FRMPD4: variants seen among roughly 807,000 people sequenced by gnomAD.
FRMPD4 encodes the protein FERM and PDZ domain containing 4.
FRMPD4 carries 22 observed loss-of-function variants against 94.1 expected under a neutral mutation model. That is an observed-to-expected ratio of 0.23 (90% confidence interval 0.17 to 0.33). The LOEUF is 0.33. Ranked by LOEUF, FRMPD4 falls within the 10% of genes least tolerant of loss-of-function variation. The pLI is 1.00. For missense variants in FRMPD4, 1,111 were observed against 1,339.9 expected, an observed-to-expected ratio of 0.83 and a Z score of 2.67; for synonymous variants, 631 against 548.6, an observed-to-expected ratio of 1.15 and a Z score of -2.10.
chrX:12,248,734 A>T lies in FRMPD4; in HGVS notation c.41+109722A>T, dbSNP rs776293961. Among the ~76,000 whole-genome samples, 4 of 112,346 alleles carry T rather than the reference A, an allele frequency of 3.6e-5. No individual in the cohort carries two copies. The South Asian group carries it at 1.5e-3, about 41-fold the overall frequency. On this transcript the variant is annotated intron_variant, in intron 1 of 16. Coordinates refer to ENST00000675598, the MANE Select transcript of FRMPD4 (RefSeq NM_001368397.1). ...TTCTTTTAGCCTTTTTTTCCTAGTC[A>T]TATACATATATTAAGAAAACAAGGC...
At chrX:12,185,586 T>G (rs892244003) in intron 1 of FRMPD4, among the ~76,000 whole-genome samples, 1 of 110,527 alleles carries the variant, frequency 9.0e-6, no homozygotes, top group Non-Finnish European at 1.9e-5. Context: ...ATCTTTCTCT[T>G]TCCATTGCCT....
At chrX:12,160,068 G>GGT (rs757966489) in intron 1 of FRMPD4, among the ~76,000 whole-genome samples, 8,734 of 99,701 alleles carry the variant, frequency 0.088, 346 homozygotes, top group African/African-American at 0.12. Context: ...GATGTTGAGG[G>GGT]GTGTGTGTGT....
At chrX:12,554,848 C>G (rs1449026593) in intron 2 of FRMPD4, among the ~76,000 whole-genome samples, 1 of 111,572 alleles carries the variant, frequency 9.0e-6, no homozygotes, top group Non-Finnish European at 1.9e-5. Flanking sequence ...TCCTGAGGCT[C>G]AAGTGATCCA....
At chrX:11,840,419 C>T (rs1401181666) in intron 1 of FRMPD4, among the ~76,000 whole-genome samples, 5 of 110,891 alleles carry the variant, frequency 4.5e-5, no homozygotes, top group Admixed American at 3.9e-4. Flanking sequence ...ATTTTGTAAA[C>T]TTGCTAGGCT....
intron 14 of FRMPD4, 68 bp from the exon 15 acceptor site, chrX:12,716,001 T>TTGGCC: frequency 8.6e-6 from 2 of 231,655 alleles, no homozygotes; most frequent in Non-Finnish European, 1.6e-5. Context: ...GAGACGAGCC[T>TTGGCC]CCCACCCCCG....
chrX:12,691,413 G>A lies in FRMPD4; in HGVS notation c.813+1087G>A, dbSNP rs1602330398. Among the ~76,000 whole-genome samples, 5 of 111,091 alleles carry A rather than the reference G, an allele frequency of 4.5e-5. 1 individual carries two copies. The Admixed American group carries it at 4.8e-4, about 11-fold the overall frequency. The stretch of plus-strand genomic sequence containing the variant: ...TCCTTCCACCTTAGCCTCCCAAAGT[G>A]CTGGGATTACAGGAATGAGCCCCCA... On this transcript the variant is annotated intron_variant, in intron 8 of 16. Transcript: ENST00000675598.
chrX:12,285,295 A>T (rs1447603025), intron 1 of FRMPD4, among the ~76,000 whole-genome samples: 3 of 111,996 alleles, frequency 2.7e-5, no homozygotes, highest in Non-Finnish European at 5.6e-5. Flanking sequence ...TCCTGTTCCC[A>T]GAAAGGATTT....
chrX:12,548,766 T>G (rs1387349651), intron 2 of FRMPD4, among the ~76,000 whole-genome samples: 1 of 112,090 alleles, frequency 8.9e-6, no homozygotes, highest in Non-Finnish European at 1.9e-5. Context: ...AGGTCTTATC[T>G]AGTTGGGCCA....
rs60789786 is a variant in FRMPD4, at chrX:11,959,334, G to A, written c.95+81316G>A. ...AGAACAGGAATTTATGCTGAGCAAGGTGGCCAAATATACATATTCAGGAGG... is the reference window on the plus strand; with the variant it reads ...AGAACAGGAATTTATGCTGAGCAAGATGGCCAAATATACATATTCAGGAGG... On this transcript the variant is annotated intron_variant, in intron 3 of 18. Transcript: ENST00000640291. 5.5e-3 allele frequency among the ~76,000 whole-genome samples: 622 copies of A among 112,268 alleles called. 3 individuals carry two copies. Among genetic ancestry groups the A allele is most frequent in the African/African-American group, 0.019 (600 of 30,897 alleles).
At position 12,148,221 on chromosome X, in the gene FRMPD4, C is replaced by T. The variant is rs775922208; in HGVS notation, c.41+9209C>T. Reference sequence around the variant, plus strand: ...ACTAGACCTCTTGTGCCAAACAGTTCGCCAAACTGTGACTACAAAGGAAAA... The same window carrying T: ...ACTAGACCTCTTGTGCCAAACAGTTTGCCAAACTGTGACTACAAAGGAAAA... On this transcript the variant is annotated intron_variant, in intron 1 of 16. Transcript: ENST00000675598. Among the ~76,000 whole-genome samples, 25 of 112,047 alleles carry T rather than the reference C, an allele frequency of 2.2e-4. No homozygotes were observed. In the East Asian group the frequency reaches 6.4e-3, roughly 29 times the overall value.
At chrX:12,324,372 ATAGT>A (rs1203305489) in intron 1 of FRMPD4, among the ~76,000 whole-genome samples, 1 of 112,291 alleles carries the variant, frequency 8.9e-6, no homozygotes, top group African/African-American at 3.2e-5. Context: ...TTATCATGTA[ATAGT>A]TAGTTCTTTA....
At chrX:12,203,133 T>C (rs1422306012) in intron 1 of FRMPD4, among the ~76,000 whole-genome samples, 2 of 111,931 alleles carry the variant, frequency 1.8e-5, no homozygotes, top group Non-Finnish European at 1.9e-5. Context: ...CTCATTCCCC[T>C]GGTATCCTGT....
intron 1 of FRMPD4, among the ~76,000 whole-genome samples, chrX:11,857,571 A>G (rs1323949823): frequency 8.9e-6 from 1 of 112,846 alleles, no homozygotes; most frequent in Non-Finnish European, 1.9e-5. Context: ...TGGATTAAAG[A>G]CTTAAATGGA....
chrX:11,857,930 G>T (rs2053662749), intron 1 of FRMPD4, among the ~76,000 whole-genome samples: 1 of 112,438 alleles, frequency 8.9e-6, no homozygotes, highest in African/African-American at 3.2e-5. Flanking sequence ...AGACATACAT[G>T]TAGCCAACAA....
At chrX:12,653,946 T>C (rs1479256925) in intron 4 of FRMPD4, among the ~76,000 whole-genome samples, 1 of 111,673 alleles carries the variant, frequency 9.0e-6, no homozygotes, top group African/African-American at 3.3e-5. Flanking sequence ...TTTGTATTTT[T>C]AGTAGAGACA....
chrX:11,909,849 T>C (rs938463821), intron 3 of FRMPD4, among the ~76,000 whole-genome samples: 1 of 111,249 alleles, frequency 9.0e-6, no homozygotes, highest in Non-Finnish European at 1.9e-5. Context: ...TCCTAGTGTT[T>C]TTTTTTCTGT....
At chrX:12,090,015 C>T (rs185272296) in intron 3 of FRMPD4, among the ~76,000 whole-genome samples, 12 of 111,426 alleles carry the variant, frequency 1.1e-4, no homozygotes, top group Non-Finnish European at 2.3e-4. Flanking sequence ...GTCTGGAGAA[C>T]ATAACAAGGG....
At chrX:12,532,778 T>C (rs2058298428) in intron 2 of FRMPD4, among the ~76,000 whole-genome samples, 1 of 111,396 alleles carries the variant, frequency 9.0e-6, no homozygotes, top group African/African-American at 3.3e-5. Flanking sequence ...AGAAAGGAAT[T>C]CTATTGGCAT....
intron 1 of FRMPD4, among the ~76,000 whole-genome samples, chrX:12,449,335 C>T (rs1320078740): frequency 2.7e-5 from 3 of 112,171 alleles, no homozygotes; most frequent in African/African-American, 9.7e-5. Flanking sequence ...ATTTTAACTA[C>T]CCTATATCTC....
Sources: allele counts gnomAD v4.1 joint callset (sites outside exome capture counted in the v4.1 genomes callset), GRCh38; gene constraint gnomAD v4.1.1; transcripts MANE v1.5; gene names NCBI Gene and HGNC (gene_info 2026-07-23, HGNC 2026-07-21).